The following SYK variants were observed in gnomAD, a reference collection of about 807,000 sequenced individuals.
SYK encodes spleen associated tyrosine kinase.
Under a neutral mutation model 77.8 loss-of-function variants are expected in SYK, and 16 were observed. That is an observed-to-expected ratio of 0.21 (90% CI 0.14 to 0.31). SYK has a LOEUF of 0.31. SYK is among the 10% of genes least tolerant of loss of function. SYK has a pLI of 1.00. For synonymous variants in SYK, 312 were observed against 308.7 expected (o/e 1.01, Z -0.11); for missense variants, 529 against 814.4 (o/e 0.65, Z 4.26).
intron 13 of SYK, among the ~76,000 whole-genome samples, chr9:90,894,733 A>T (rs1305848601): frequency 6.6e-6 from 1 of 152,214 alleles, no homozygotes; most frequent in Non-Finnish European, 1.5e-5. Context: ...ATAACTTCTA[A>T]GTGAGGATCG....
chr9:90,878,847 A>C lies in SYK; in HGVS notation c.1475A>C (p.His492Pro). 1 of 1,614,242 alleles carries C rather than the reference A, an allele frequency of 6.2e-7. No individual in the cohort carries two copies. Among genetic ancestry groups the C allele is most frequent in the Non-Finnish European group, 8.5e-7 (1 of 1,180,038 alleles). Residue 492 changes from histidine (H) to proline (P), a missense_variant, in exon 11 of 14, where the codon CAC becomes CCC. Coordinates refer to ENST00000375754, the MANE Select transcript of SYK (RefSeq NM_003177.7). Reference sequence around the variant, plus strand: ...TACTTGGAGGAGAGCAATTTTGTGCACAGAGATCTGGCTGCAAGAAATGTG... The same window carrying C: ...TACTTGGAGGAGAGCAATTTTGTGCCCAGAGATCTGGCTGCAAGAAATGTG... ...MKYLEESNFV[H>P]RDLAARNVLL...
intron 1 of SYK, among the ~76,000 whole-genome samples, chr9:90,818,494 G>T (rs533426433): frequency 1.3e-5 from 2 of 152,184 alleles, no homozygotes; most frequent in East Asian, 3.8e-4. Context: ...GGGGGCTGTC[G>T]CAGCAGCTGA....
intron 1 of SYK, among the ~76,000 whole-genome samples, chr9:90,821,844 G>A (rs1052602287): frequency 2.0e-5 from 3 of 152,188 alleles, no homozygotes; most frequent in African/African-American, 7.2e-5. Context: ...GTCCCTAGGT[G>A]TAAGAAGGCT....
chr9:90,819,637 C>G (rs960665175), intron 1 of SYK, among the ~76,000 whole-genome samples: 8 of 152,016 alleles, frequency 5.3e-5, no homozygotes, highest in African/African-American at 1.4e-4. Context: ...TCAATTACCC[C>G]CCTTCCTTGG....
chr9:90,817,872 TGTGTGTGTGTGA>T (rs1269878742), intron 1 of SYK, among the ~76,000 whole-genome samples: 12 of 31,964 alleles, frequency 3.8e-4, no homozygotes, highest in African/African-American at 1.2e-3. Context: ...TGTGTGTGTG[TGTGTGTGTGTGA>T]GAGAGAGAGA....
chr9:90,825,186 C>T (rs1051805951), intron 1 of SYK, among the ~76,000 whole-genome samples: 3 of 149,596 alleles, frequency 2.0e-5, no homozygotes, highest in African/African-American at 7.4e-5. Context: ...GATCTGTATG[C>T]AGAAAACTAC....
chr9:90,889,113 G>A (rs1828690424), intron 13 of SYK, among the ~76,000 whole-genome samples: 2 of 152,198 alleles, frequency 1.3e-5, no homozygotes, highest in Admixed American at 1.3e-4. Context: ...TTGAAGTGGT[G>A]GCCTCAGTCC....
chr9:90,845,330 T>A, intron 2 of SYK, 104 bp from the exon 3 acceptor site: 6 of 1,261,416 alleles, frequency 4.8e-6, no homozygotes, highest in Non-Finnish European at 5.5e-6. Context: ...TAAGTTTTGA[T>A]CCTGTTTTAC....
chr9:90,870,037 G>A (rs1477950008), intron 7 of SYK, among the ~76,000 whole-genome samples: 1 of 152,188 alleles, frequency 6.6e-6, no homozygotes, highest in Non-Finnish European at 1.5e-5. Flanking sequence ...AAGCCTGGGA[G>A]GTGGAGATTG....
chr9:90,824,923 A>G (rs1825621547), intron 1 of SYK, among the ~76,000 whole-genome samples: 3 of 152,178 alleles, frequency 2.0e-5, no homozygotes, highest in African/African-American at 7.2e-5. Flanking sequence ...AAGAAATAAG[A>G]CATCTTTTTT....
At chr9:90,824,416 G>A (rs530612272) in intron 1 of SYK, among the ~76,000 whole-genome samples, 1 of 151,960 alleles carries the variant, frequency 6.6e-6, no homozygotes, top group African/African-American at 2.4e-5. Context: ...ACCAAAACCA[G>A]TTAAGGCATT....
At chr9:90,807,536 G>T (rs4002564) in intron 1 of SYK, among the ~76,000 whole-genome samples, 35,433 of 151,828 alleles carry the variant, frequency 0.23, 4,167 homozygotes, top group Middle Eastern at 0.35. Context: ...TCGGTACCTG[G>T]TATGTGGTTA....
At chr9:90,856,858 G>A (rs1827056798) in intron 3 of SYK, among the ~76,000 whole-genome samples, 1 of 152,122 alleles carries the variant, frequency 6.6e-6, no homozygotes, top group African/African-American at 2.4e-5. Flanking sequence ...TAATCTGTGG[G>A]AATCCTGAGT....
At chr9:90,807,214 T>C (rs1469985082) in intron 1 of SYK, among the ~76,000 whole-genome samples, 1 of 152,208 alleles carries the variant, frequency 6.6e-6, no homozygotes, top group Non-Finnish European at 1.5e-5. Flanking sequence ...GGGCTGGCTC[T>C]GCCACAGCCT....
rs182977196 is a variant in SYK at position 90,895,209 on chromosome 9, C to T, written c.1836-319C>T. ...TGTGGCACAGAAGCATATTGTGTGC[C>T]GCATATCTGAACCTGGGGCTAAAAC... On this transcript the variant is annotated intron_variant, in intron 13 of 13. Coordinates refer to ENST00000375754, the MANE Select transcript of SYK (RefSeq NM_003177.7). The surrounding 1 kb of genome is among the most constrained non-coding windows in gnomAD (Gnocchi z 4.4). 6.6e-6 allele frequency among the ~76,000 whole-genome samples: 1 copy of T among 152,266 alleles called. No individual in the cohort carries two copies. The highest frequency in any genetic ancestry group is 2.4e-5 in the African/African-American group (1 of 41,542).
At chr9:90,876,287 C>CAAAA (rs71923873) in intron 9 of SYK, among the ~76,000 whole-genome samples, 6 of 120,032 alleles carry the variant, frequency 5.0e-5, no homozygotes, top group South Asian at 3.1e-4. Flanking sequence ...AACTCTGCCT[C>CAAAA]AAAAAAAAAA....
At chr9:90,845,134 C>T (rs191498082) in intron 2 of SYK, among the ~76,000 whole-genome samples, 1 of 152,250 alleles carries the variant, frequency 6.6e-6, no homozygotes, top group Non-Finnish European at 1.5e-5. Flanking sequence ...TGGGGTTTCA[C>T]CATGCTGGCC....
chr9:90,897,735 C>T lies in SYK; in HGVS notation c.*2135C>T, dbSNP rs202241782. On this transcript the variant is annotated 3_prime_UTR_variant, in exon 14 of 14. Transcript: ENST00000375754. ...AGATGGGGGCAGGGGCCTCACCTCC[C>T]TGCAGAGGTCCGGCCAGGTCTCCTT... 9 of 224,514 alleles carry T rather than the reference C, an allele frequency of 4.0e-5. No individual in the cohort carries two copies. Among genetic ancestry groups the T allele is most frequent in the East Asian group, 1.3e-4 (2 of 15,552 alleles). 13.9% of individuals were successfully genotyped at this position (224,514 alleles called of 1,614,324 possible).
At chr9:90,881,770 T>A (rs535858038) in intron 11 of SYK, among the ~76,000 whole-genome samples, 22 of 151,262 alleles carry the variant, frequency 1.5e-4, no homozygotes, top group African/African-American at 5.4e-4. Flanking sequence ...AAACCATGCG[T>A]GACAGGGTAG....
Sources: allele counts gnomAD v4.1 joint callset (sites outside exome capture counted in the v4.1 genomes callset), GRCh38; gene constraint gnomAD v4.1.1; non-coding constraint Gnocchi (gnomAD v3.1); transcripts MANE v1.5; gene names NCBI Gene and HGNC (gene_info 2026-07-23, HGNC 2026-07-21).